Variants in PYGO1 observed in about 807,000 individuals in gnomAD.
The protein encoded by PYGO1 is pygopus homolog 1.
PYGO1 carries 6 observed loss-of-function variants against 29.5 expected under a neutral mutation model. That is an observed-to-expected ratio of 0.20 (90% CI 0.11 to 0.40). PYGO1 has a LOEUF of 0.40. Among genes scored for constraint, PYGO1 ranks in the 10% least tolerant of loss-of-function variants. PYGO1 has a pLI of 1.00. For missense variants in PYGO1, 515 were observed against 514.9 expected (o/e 1.00, Z 0.00); for synonymous variants, 186 against 180.5 (o/e 1.03, Z -0.24).
chr15:55,539,383 T>A lies in PYGO1; in HGVS notation c.*6640A>T, dbSNP rs758272368. ...ACTTTCCATTATCTACTATATTCAA[T>A]CAGTTATCAAGCCAATTTCATTTGT... On this transcript the variant is annotated 3_prime_UTR_variant, in exon 3 of 3. Coordinates refer to ENST00000563719, the MANE Select transcript of PYGO1 (RefSeq NM_001367806.1). The A allele has an allele frequency of 3.3e-5, 5 of 152,012 alleles. No individual in the cohort carries two copies. Among genetic ancestry groups the A allele is most frequent in the South Asian group, 2.1e-4 (1 of 4,834 alleles). The allele number at this position is 152,012 out of a possible 1,614,324, so 9.4% of individuals were successfully genotyped here. A position where few individuals can be genotyped will look rare whatever the true frequency, so the allele number is the denominator to read the frequency against.
At chr15:55,567,244 T>C (rs1414570648) in intron 1 of PYGO1, among the ~76,000 whole-genome samples, 4 of 118,590 alleles carry the variant, frequency 3.4e-5, no homozygotes, top group African/African-American at 9.6e-5. Flanking sequence ...GGTCTGGCTC[T>C]ATCACTCAGG....
chr15:55,548,845 A>G, intron 2 of PYGO1, 65 bp downstream of exon 2: 1 of 1,355,506 alleles, frequency 7.4e-7, no homozygotes, highest in Non-Finnish European at 1.0e-6. Flanking sequence ...CCAAGTTCAA[A>G]TTTACCTCAT....
chr15:55,563,308 A>G (rs2058941247), intron 1 of PYGO1, among the ~76,000 whole-genome samples: 1 of 151,214 alleles, frequency 6.6e-6, no homozygotes, highest in African/African-American at 2.4e-5. Context: ...CTCCAAATGT[A>G]TCTTTTATTT....
chr15:55,576,270 A>G (rs868791393), intron 1 of PYGO1, among the ~76,000 whole-genome samples: 2 of 146,562 alleles, frequency 1.4e-5, no homozygotes, highest in South Asian at 2.2e-4. Flanking sequence ...TCCCGGCTAA[A>G]ACGGTGAAAC....
chr15:55,564,749 T>A (rs2058947830), intron 1 of PYGO1, among the ~76,000 whole-genome samples: 1 of 152,212 alleles, frequency 6.6e-6, no homozygotes, highest in African/African-American at 2.4e-5. Context: ...TAAAAATAAA[T>A]TTTAAAACCA....
chr15:55,585,790 A>C (rs1431905445), intron 1 of PYGO1, among the ~76,000 whole-genome samples: 1 of 152,230 alleles, frequency 6.6e-6, no homozygotes, highest in South Asian at 2.1e-4. Context: ...TAAACTTGAT[A>C]GCTCTTTCTT....
At chr15:55,557,300 T>C (rs147503689) in intron 1 of PYGO1, among the ~76,000 whole-genome samples, 2,776 of 152,110 alleles carry the variant, frequency 0.018, 81 homozygotes, top group African/African-American at 0.064. Flanking sequence ...CAGGAAGAAG[T>C]TGAATCCCTG....
At position 55,541,850 on chromosome 15, in the gene PYGO1, A is replaced by G. The variant is rs1352519846; in HGVS notation, c.*4173T>C. 6.6e-6 allele frequency: 1 copy of G among 152,122 alleles called. No individual in the cohort carries two copies. The highest frequency in any genetic ancestry group is 1.9e-4 in the East Asian group (1 of 5,174). The allele number at this position is 152,122 out of a possible 1,614,324, so 9.4% of individuals were successfully genotyped here. A position where few individuals can be genotyped will look rare whatever the true frequency, so the allele number is the denominator to read the frequency against. On this transcript the variant is annotated 3_prime_UTR_variant, in exon 3 of 3. Coordinates refer to ENST00000563719, the MANE Select transcript of PYGO1 (RefSeq NM_001367806.1). ...ACCTCTGCTTCTTTCTCCCTCCTAC[A>G]CTGATTGATTGGTTTCCTAAAGAAA...
intron 1 of PYGO1, among the ~76,000 whole-genome samples, chr15:55,570,208 T>C (rs2058974687): frequency 1.3e-5 from 2 of 152,214 alleles, no homozygotes; most frequent in African/African-American, 4.8e-5. Context: ...GAGGGTGTCC[T>C]TCACAATTCC....
intron 1 of PYGO1, among the ~76,000 whole-genome samples, chr15:55,552,797 G>A (rs1444688430): frequency 6.6e-6 from 1 of 152,144 alleles, no homozygotes; most frequent in African/African-American, 2.4e-5. Context: ...TCCGGCCCCA[G>A]AAGTCCCTGC....
intron 1 of PYGO1, among the ~76,000 whole-genome samples, chr15:55,561,920 T>C (rs2058934456): frequency 6.6e-6 from 1 of 152,146 alleles, no homozygotes; most frequent in Middle Eastern, 3.4e-3. Context: ...ACAGACAACC[T>C]ACAGAATAAG....
chr15:55,586,952 T>C (rs548314709), intron 1 of PYGO1, among the ~76,000 whole-genome samples: 4 of 152,352 alleles, frequency 2.6e-5, no homozygotes, highest in African/African-American at 4.8e-5. Flanking sequence ...TGGATGAAGA[T>C]TGTCTATCTG....
intron 1 of PYGO1, among the ~76,000 whole-genome samples, chr15:55,583,355 T>TA (rs1173313920): frequency 9.2e-5 from 14 of 151,570 alleles, no homozygotes; most frequent in Admixed American, 3.3e-4. Flanking sequence ...AATCTACAAA[T>TA]ACGTTTAAGT....
At chr15:55,551,654 A>C (rs1015971224) in intron 1 of PYGO1, among the ~76,000 whole-genome samples, 11 of 152,002 alleles carry the variant, frequency 7.2e-5, no homozygotes, top group African/African-American at 2.7e-4. Context: ...AATTAAAAAA[A>C]AAATTAGCCA....
intron 1 of PYGO1, among the ~76,000 whole-genome samples, chr15:55,572,827 A>G (rs1195587072): frequency 2.0e-5 from 3 of 152,074 alleles, no homozygotes; most frequent in African/African-American, 7.2e-5. Flanking sequence ...CAAAACCACA[A>G]TGAGAAATAA....
At chr15:55,558,902 A>AGCAAAGACTTGGAACCAACCCAAATGT in intron 1 of PYGO1, among the ~76,000 whole-genome samples, 2 of 152,002 alleles carry the variant, frequency 1.3e-5, no homozygotes, top group South Asian at 4.2e-4. Flanking sequence ...CCTAGGCAAT[A>AGCAAAGACTTGGAACCAACCCAAATGT]CCATTCAGGA....
intron 1 of PYGO1, among the ~76,000 whole-genome samples, chr15:55,562,166 C>T (rs1263393040): frequency 6.6e-6 from 1 of 151,972 alleles, no homozygotes; most frequent in Non-Finnish European, 1.5e-5. Context: ...GTCAGAATGG[C>T]GATGATAAAA....
chr15:55,561,140 T>A (rs1407065694), intron 1 of PYGO1, among the ~76,000 whole-genome samples: 2 of 151,938 alleles, frequency 1.3e-5, no homozygotes, highest in African/African-American at 4.8e-5. Flanking sequence ...AAAACAGACA[T>A]ACAGAACAAC....
intron 1 of PYGO1, among the ~76,000 whole-genome samples, chr15:55,567,196 C>CATTTTTTT (rs1567056546): frequency 3.1e-5 from 1 of 31,958 alleles, no homozygotes; most frequent in African/African-American, 7.1e-5. Context: ...CTTTTGCCCA[C>CATTTTTTT]CTTTTTTTTT....
Sources: allele counts gnomAD v4.1 joint callset (sites outside exome capture counted in the v4.1 genomes callset), GRCh38; gene constraint gnomAD v4.1.1; transcripts MANE v1.5; gene names NCBI Gene and HGNC (gene_info 2026-07-23, HGNC 2026-07-21).